Variants in ALK observed in about 807,000 individuals in gnomAD.
The protein encoded by ALK is ALK receptor tyrosine kinase.
ALK carries 74 observed loss-of-function variants against 163.1 expected under a neutral mutation model. The ratio of observed to expected loss-of-function variants is 0.45; its 90% CI spans 0.38 to 0.55. ALK has a LOEUF of 0.55. Ranked by LOEUF, ALK falls within the 20% of genes least tolerant of loss-of-function variation. The probability of loss-of-function intolerance (pLI) is 0.00; values close to 1 mark genes in which losing one functional copy is unlikely to be tolerated. For missense variants in ALK, 2,063 were observed against 2,105.3 expected (o/e 0.98, Z 0.39); for synonymous variants, 960 against 843.2 (o/e 1.14, Z -2.40).
intron 3 of ALK, among the ~76,000 whole-genome samples, chr2:29,538,541 C>T (rs4666239): frequency 0.27 from 40,693 of 152,016 alleles, 6,320 homozygotes; most frequent in East Asian, 0.65. Flanking sequence ...TCCAGTACAG[C>T]CTGCAGAACC....
At chr2:29,347,399 T>C (rs1001560529) in intron 5 of ALK, among the ~76,000 whole-genome samples, 1 of 152,188 alleles carries the variant, frequency 6.6e-6, no homozygotes, top group African/African-American at 2.4e-5. Context: ...GGAGGAACAC[T>C]GCACAGGACC....
chr2:29,393,361 A>C (rs141546910), intron 4 of ALK, among the ~76,000 whole-genome samples: 113 of 152,298 alleles, frequency 7.4e-4, no homozygotes, highest in African/African-American at 2.6e-3. Context: ...AGTCATAGGA[A>C]CTAGCACCCC....
chr2:29,425,825 G>A (rs1573343199), intron 4 of ALK, among the ~76,000 whole-genome samples: 1 of 152,176 alleles, frequency 6.6e-6, no homozygotes, highest in East Asian at 1.9e-4. Flanking sequence ...AAACAATTAT[G>A]ATTTTTGTGG....
rs758535870 is a variant in ALK, at chr2:29,239,661, C to T, written c.2355+19G>A. 3 of 1,613,296 alleles carry T rather than the reference C, an allele frequency of 1.9e-6. No individual in the cohort carries two copies. Among genetic ancestry groups the T allele is most frequent in the Non-Finnish European group, 2.5e-6 (3 of 1,179,990 alleles). On this transcript the variant is annotated intron_variant, in intron 13 of 28. Coordinates refer to ENST00000389048, the MANE Select transcript of ALK (RefSeq NM_004304.5). ...GCCTGACAGAGTGCAGACGAGAAAC[C>T]CCTGCTCTGGGCACTTACACTGGGG... is the stretch of plus-strand genomic sequence containing the variant.
rs770888701 is a variant in ALK at position 29,193,789 on chromosome 2, TC to T, written c.4297del (p.Glu1433ArgfsTer44). 6 of 1,594,838 alleles carry T rather than the reference TC, an allele frequency of 3.8e-6. No individual in the cohort carries two copies. The African/African-American group carries it at 8.1e-5, about 22-fold the overall frequency. On this transcript the variant is annotated frameshift_variant, in exon 29 of 29. Coordinates refer to ENST00000389048, the MANE Select transcript of ALK (RefSeq NM_004304.5). LOFTEE classifies it low-confidence loss of function (END_TRUNC). ...TGGGGCAGCTGGGCTGCGCTCCTCC[TC>T]CCGTTTTGCCTGTTGAGAGACCAGG... ...PLLVSQQAKR[E>X]EERSPAAPPP...
chr2:29,251,056 T>C lies in ALK; in HGVS notation c.2204+49A>G, dbSNP rs201902762. 31 of 1,596,034 alleles carry C rather than the reference T, an allele frequency of 1.9e-5. No individual in the cohort carries two copies. In the Middle Eastern group the frequency reaches 5.0e-4, roughly 26 times the overall value. On this transcript the variant is annotated intron_variant, in intron 12 of 28. Transcript: ENST00000389048. The stretch of plus-strand genomic sequence containing the variant: ...GCACCCATAGGCAAGACTCCAGGCT[T>C]CTTCGGAAGGGGTGGTCTGCCCCTC...
intron 1 of ALK, among the ~76,000 whole-genome samples, chr2:29,846,748 A>G (rs564837062): frequency 1.3e-5 from 2 of 152,340 alleles, no homozygotes; most frequent in South Asian, 4.1e-4. Context: ...TACTATTATC[A>G]TATTAGCCAC....
intron 4 of ALK, among the ~76,000 whole-genome samples, chr2:29,454,865 T>C (rs558116245): frequency 6.6e-6 from 1 of 152,314 alleles, no homozygotes; most frequent in East Asian, 1.9e-4. Context: ...TAAAGTTATA[T>C]ACTATTAAAA....
intron 1 of ALK, among the ~76,000 whole-genome samples, chr2:29,891,974 C>T (rs758456376): frequency 1.3e-5 from 2 of 152,208 alleles, no homozygotes; most frequent in Non-Finnish European, 2.9e-5. Flanking sequence ...ACCAATCTCT[C>T]CCTAACCCAG....
intron 5 of ALK, among the ~76,000 whole-genome samples, chr2:29,348,201 A>G (rs1668009189): frequency 6.6e-6 from 1 of 152,060 alleles, no homozygotes; most frequent in African/African-American, 2.4e-5. Context: ...AGTGAGCCCA[A>G]GTTGCTCCAT....
At position 29,550,270 on chromosome 2, in the gene ALK, C is replaced by T. The variant is rs4128519; in HGVS notation, c.953-18154G>A. 3.2e-4 allele frequency among the ~76,000 whole-genome samples: 48 copies of T among 152,284 alleles called. 1 individual carries two copies. The highest frequency in any genetic ancestry group is 5.7e-4 in the Non-Finnish European group (39 of 68,024). On this transcript the variant is annotated intron_variant, in intron 3 of 28. Coordinates refer to ENST00000389048, the MANE Select transcript of ALK (RefSeq NM_004304.5). The stretch of plus-strand genomic sequence containing the variant: ...CTTTTTAGTTGAGAAAACTGAGACT[C>T]GGAGATATCAATTAACTTGCCTATC...
chr2:29,887,758 C>T (rs1667021806), intron 1 of ALK, among the ~76,000 whole-genome samples: 1 of 152,178 alleles, frequency 6.6e-6, no homozygotes, highest in South Asian at 2.1e-4. Flanking sequence ...TATGTTGTAT[C>T]TTCCATTGCA....
intron 4 of ALK, among the ~76,000 whole-genome samples, chr2:29,413,380 T>C (rs1389966433): frequency 6.6e-6 from 1 of 151,876 alleles, no homozygotes; most frequent in Non-Finnish European, 1.5e-5. Flanking sequence ...GGAGCCTCAC[T>C]CTGTTGCCCA....
intron 4 of ALK, among the ~76,000 whole-genome samples, chr2:29,429,945 A>G (rs1670234261): frequency 6.6e-6 from 1 of 152,188 alleles, no homozygotes; most frequent in Non-Finnish European, 1.5e-5. Context: ...GGGTACCAAG[A>G]CAATTCCATG....
chr2:29,570,346 A>G (rs1169969378), intron 3 of ALK, among the ~76,000 whole-genome samples: 2 of 152,254 alleles, frequency 1.3e-5, no homozygotes, highest in Non-Finnish European at 2.9e-5. Flanking sequence ...GTATGTAGTC[A>G]TCTGTGCCTA....
At chr2:29,603,190 A>G (rs1236260401) in intron 3 of ALK, among the ~76,000 whole-genome samples, 1 of 152,184 alleles carries the variant, frequency 6.6e-6, no homozygotes, top group Non-Finnish European at 1.5e-5. Context: ...CACTCATAGA[A>G]GCAATAGATC....
chr2:29,663,224 T>C (rs1677405462), intron 3 of ALK, among the ~76,000 whole-genome samples: 1 of 152,164 alleles, frequency 6.6e-6, no homozygotes, highest in Admixed American at 6.5e-5. Context: ...AAACATGATT[T>C]CAAAATGACC....
At chr2:29,464,274 G>C (rs1573376124) in intron 4 of ALK, among the ~76,000 whole-genome samples, 2 of 152,242 alleles carry the variant, frequency 1.3e-5, no homozygotes, top group Non-Finnish European at 1.5e-5. Context: ...GATGATCTTA[G>C]AACAGCTTAT....
intron 3 of ALK, among the ~76,000 whole-genome samples, chr2:29,672,517 T>C (rs1445715345): frequency 8.9e-5 from 13 of 145,296 alleles, no homozygotes; most frequent in Non-Finnish European, 2.0e-4. Context: ...CATCATTTTT[T>C]ATGGCTGCAT....
Sources: allele counts gnomAD v4.1 joint callset (sites outside exome capture counted in the v4.1 genomes callset), GRCh38; gene constraint gnomAD v4.1.1; transcripts MANE v1.5; gene names NCBI Gene and HGNC (gene_info 2026-07-23, HGNC 2026-07-21).